GALNTL6: variants seen among roughly 807,000 people sequenced by gnomAD.
The protein encoded by GALNTL6 is polypeptide N-acetylgalactosaminyltransferase like 6, also known as polypeptide N-acetylgalactosaminyltransferase-like 6.
In GALNTL6, 46 loss-of-function variants were observed where a neutral mutation model predicts 73.7. The ratio of observed to expected loss-of-function variants is 0.62; its 90% CI spans 0.49 to 0.80. The LOEUF is 0.80. GALNTL6 is among the 30% of genes least tolerant of loss of function. GALNTL6 has a pLI of 0.00. For missense variants in GALNTL6, 604 were observed against 755.0 expected (o/e 0.80, Z 2.34); for synonymous variants, 259 against 263.7 (o/e 0.98, Z 0.17).
intron 7 of GALNTL6, among the ~76,000 whole-genome samples, chr4:172,843,133 C>T (rs1743306892): frequency 6.6e-6 from 1 of 152,184 alleles, no homozygotes; most frequent in Non-Finnish European, 1.5e-5. Context: ...CTCCACCCCT[C>T]ATCCCCTCAA....
intron 2 of GALNTL6, among the ~76,000 whole-genome samples, chr4:172,134,626 A>C (rs1308312822): frequency 1.3e-5 from 2 of 152,202 alleles, no homozygotes; most frequent in African/African-American, 4.8e-5. Context: ...GAAATATATG[A>C]CATAATTAAG....
intron 8 of GALNTL6, among the ~76,000 whole-genome samples, chr4:172,894,157 T>G (rs1235084489): frequency 1.3e-5 from 2 of 152,232 alleles, no homozygotes; most frequent in East Asian, 3.8e-4. Flanking sequence ...TAATTAACTA[T>G]CTTAGTTCAG....
intron 5 of GALNTL6, among the ~76,000 whole-genome samples, chr4:172,677,066 C>T (rs557376941): frequency 6.6e-6 from 1 of 152,266 alleles, no homozygotes; most frequent in African/African-American, 2.4e-5. Flanking sequence ...TTGTGTTAAA[C>T]ACCCGGTCTA....
At chr4:172,264,051 G>T in intron 3 of GALNTL6, among the ~76,000 whole-genome samples, 1 of 149,950 alleles carries the variant, frequency 6.7e-6, no homozygotes, top group East Asian at 1.9e-4. Flanking sequence ...GTTATTTTTT[G>T]GCAGCTGGGG....
chr4:172,054,070 T>C (rs973496919), intron 2 of GALNTL6, among the ~76,000 whole-genome samples: 2 of 152,002 alleles, frequency 1.3e-5, no homozygotes, highest in African/African-American at 4.8e-5. Context: ...GCTTCTAGAG[T>C]CCAGGAGGCT....
chr4:172,932,713 A>G (rs1165071745), intron 9 of GALNTL6, among the ~76,000 whole-genome samples: 1 of 152,220 alleles, frequency 6.6e-6, no homozygotes, highest in East Asian at 1.9e-4. Context: ...TTTCACATAC[A>G]CCTTATATAC....
intron 5 of GALNTL6, among the ~76,000 whole-genome samples, chr4:172,567,073 A>C (rs929442586): frequency 1.3e-5 from 2 of 151,986 alleles, no homozygotes; most frequent in African/African-American, 4.8e-5. Context: ...TTTTTCATAC[A>C]CCTTCCATTC....
intron 3 of GALNTL6, among the ~76,000 whole-genome samples, chr4:172,236,278 T>C (rs1184485752): frequency 6.6e-6 from 1 of 152,064 alleles, no homozygotes; most frequent in Non-Finnish European, 1.5e-5. Context: ...TTTATAAAAG[T>C]ATATTAGCTG....
chr4:172,929,463 T>A (rs566185711), intron 8 of GALNTL6, among the ~76,000 whole-genome samples: 132 of 152,290 alleles, frequency 8.7e-4, no homozygotes, highest in African/African-American at 3.1e-3. Flanking sequence ...GAGATTAATT[T>A]TAAGGAATTG....
At chr4:172,870,802 G>A (rs1387174103) in intron 7 of GALNTL6, among the ~76,000 whole-genome samples, 2 of 152,162 alleles carry the variant, frequency 1.3e-5, no homozygotes, top group East Asian at 3.8e-4. Flanking sequence ...GATTATTAGA[G>A]AAATGTGACC....
intron 3 of GALNTL6, among the ~76,000 whole-genome samples, chr4:172,244,333 C>G (rs1737551772): frequency 1.3e-5 from 2 of 151,948 alleles, no homozygotes; most frequent in South Asian, 4.1e-4. Context: ...GAGGAAAAAT[C>G]CCTTCAATCT....
intron 5 of GALNTL6, among the ~76,000 whole-genome samples, chr4:172,400,024 A>T (rs555677299): frequency 6.6e-6 from 1 of 152,228 alleles, no homozygotes; most frequent in Non-Finnish European, 1.5e-5. Flanking sequence ...ATTTTTCCTC[A>T]AATTTATAAC....
intron 2 of GALNTL6, among the ~76,000 whole-genome samples, chr4:171,961,391 A>G (rs1359112619): frequency 6.6e-6 from 1 of 152,170 alleles, no homozygotes; most frequent in Non-Finnish European, 1.5e-5. Context: ...TACCCAACTC[A>G]TAGGTATTTG....
At chr4:172,944,650 T>C (rs1240632323) in intron 9 of GALNTL6, among the ~76,000 whole-genome samples, 1 of 152,232 alleles carries the variant, frequency 6.6e-6, no homozygotes, top group Non-Finnish European at 1.5e-5. Context: ...AAAAGACTTG[T>C]ACAAGACTGT....
At chr4:172,736,590 G>A (rs1228661611) in intron 5 of GALNTL6, among the ~76,000 whole-genome samples, 5 of 152,086 alleles carry the variant, frequency 3.3e-5, no homozygotes, top group Non-Finnish European at 7.4e-5. Flanking sequence ...TGAAGATGAC[G>A]GGATTAAGAG....
chr4:172,868,111 A>G (rs1037561471), intron 7 of GALNTL6, among the ~76,000 whole-genome samples: 1 of 152,336 alleles, frequency 6.6e-6, no homozygotes, highest in African/African-American at 2.4e-5. Context: ...GCAGTTTTCT[A>G]TTCTATTTAC....
chr4:172,159,328 C>G (rs973961131), intron 2 of GALNTL6, among the ~76,000 whole-genome samples: 3 of 152,022 alleles, frequency 2.0e-5, no homozygotes, highest in African/African-American at 2.4e-5. Context: ...TTGTCCAAGC[C>G]CTTTGAGGAC....
chr4:172,145,305 A>G (rs1306890956), intron 2 of GALNTL6, among the ~76,000 whole-genome samples: 1 of 151,982 alleles, frequency 6.6e-6, no homozygotes, highest in Non-Finnish European at 1.5e-5. Flanking sequence ...ACGCCCAGCT[A>G]ATTTTTTTGT....
intron 2 of GALNTL6, among the ~76,000 whole-genome samples, chr4:172,209,048 A>AT (rs1383804434): frequency 6.6e-6 from 1 of 152,076 alleles, no homozygotes; most frequent in African/African-American, 2.4e-5. Context: ...TTTTTTCCTG[A>AT]TTCTACTCTC....
Sources: allele counts gnomAD v4.1 joint callset (sites outside exome capture counted in the v4.1 genomes callset), GRCh38; gene constraint gnomAD v4.1.1; transcripts MANE v1.5; gene names NCBI Gene and HGNC (gene_info 2026-07-23, HGNC 2026-07-21).